Variants in CSF1R observed in about 807,000 individuals in gnomAD.
The protein encoded by CSF1R is macrophage colony-stimulating factor 1 receptor.
Under a neutral mutation model 110.0 loss-of-function variants are expected in CSF1R, and 40 were observed. That is an observed-to-expected ratio of 0.36 (90% CI 0.28 to 0.47). The LOEUF (loss-of-function observed/expected upper bound fraction) is 0.47. Among genes scored for constraint, CSF1R ranks in the 20% least tolerant of loss-of-function variants. The probability of loss-of-function intolerance (pLI) is 0.99; values close to 1 mark genes in which losing one functional copy is unlikely to be tolerated. For synonymous variants in CSF1R, 523 were observed against 503.4 expected (o/e 1.04, Z -0.52); for missense variants, 1,052 against 1,253.0 (o/e 0.84, Z 2.42).
intron 1 of CSF1R, among the ~76,000 whole-genome samples, chr5:150,101,404 T>C (rs890840229): frequency 3.9e-5 from 6 of 152,234 alleles, no homozygotes; most frequent in African/African-American, 1.4e-4. Flanking sequence ...TATTGGTATA[T>C]GTCACTGCAG....
At chr5:150,079,711 G>A (rs1758436605) in intron 3 of CSF1R, among the ~76,000 whole-genome samples, 1 of 152,198 alleles carries the variant, frequency 6.6e-6, no homozygotes, top group Admixed American at 6.5e-5. Flanking sequence ...ATGTCATTCA[G>A]ATTTCCGCTC....
rs1758357570 is a variant in CSF1R at position 150,078,155 on chromosome 5, A to G, written c.686T>C (p.Val229Ala). The G allele has an allele frequency of 6.2e-7, 1 of 1,614,024 alleles. No homozygotes were observed. The highest frequency in any genetic ancestry group is 8.5e-7 in the Non-Finnish European group (1 of 1,179,982). The change falls in exon 4 of 21, where the codon GTT (valine) becomes GCT (alanine). Residue 229 changes from valine (V) to alanine (A), a missense_variant. Val to Ala is a moderately conservative substitution (Grantham distance 64, BLOSUM62 0). Coordinates refer to ENST00000675795, the MANE Select transcript of CSF1R (RefSeq NM_001288705.3). Reference protein sequence around the residue: ...AAQIVCSASSVDVNFDVFLQH... With the variant: ...AAQIVCSASSADVNFDVFLQH... Reference sequence around the variant, plus strand: ...GAGGAAGACATCAAAGTTAACATCAACGCTGCTGGCTGAGCACACGATCTG... The same window carrying G: ...GAGGAAGACATCAAAGTTAACATCAGCGCTGCTGGCTGAGCACACGATCTG...
At chr5:150,101,955 T>C (rs1305105458) in intron 1 of CSF1R, among the ~76,000 whole-genome samples, 1 of 152,204 alleles carries the variant, frequency 6.6e-6, no homozygotes, top group African/African-American at 2.4e-5. Flanking sequence ...TATTAGTTCA[T>C]AGAGATTTAC....
chr5:150,091,819 T>C (rs1215667206), intron 1 of CSF1R, among the ~76,000 whole-genome samples: 3 of 59,984 alleles, frequency 5.0e-5, no homozygotes, highest in African/African-American at 2.0e-4. Context: ...AAACAAAAAC[T>C]AAGAGAATTC....
intron 4 of CSF1R, 79 bp downstream of exon 4, chr5:150,078,033 G>C: frequency 2.5e-6 from 4 of 1,576,830 alleles, no homozygotes; most frequent in Non-Finnish European, 3.5e-6. Flanking sequence ...TTGGAGTTGG[G>C]GGCCCAGGAC....
At chr5:150,066,278 A>G (rs573922810) in intron 10 of CSF1R, among the ~76,000 whole-genome samples, 2 of 152,310 alleles carry the variant, frequency 1.3e-5, no homozygotes, top group South Asian at 4.1e-4. Context: ...GCGTTGTGGT[A>G]CGGAATCCCT....
rs755093010 is a variant in CSF1R, at chr5:150,080,232, C to T, written c.412G>A (p.Val138Ile). The change falls in exon 3 of 21, where the codon GTC (valine) becomes ATC (isoleucine). Residue 138 changes from valine to isoleucine, a missense_variant. Val to Ile is a conservative substitution (Grantham distance 29). Coordinates refer to ENST00000675795, the MANE Select transcript of CSF1R (RefSeq NM_001288705.3). ...CGGCCACGCACACGCACCAGCGAGA[C>T]GCCTGCTTCCAGCACCGGGTCTGTG... ...LLTDPVLEAG[V>I]SLVRVRGRPL... The T allele has an allele frequency of 3.0e-5, 48 of 1,613,798 alleles. No individual in the cohort carries two copies. The highest frequency in any genetic ancestry group is 6.7e-5 in the Admixed American group (4 of 60,012).
In CSF1R at chr5:150,054,125, C is replaced by T. The variant is rs200068110; in HGVS notation, c.2863G>A (p.Glu955Lys). ...AAGGGCTGGGCGATATCCCCTTGCT[C>T]GCAGCAGGTCAGGTGCTCACTAGAG... is the stretch of plus-strand genomic sequence containing the variant. ...ESSSEHLTCCEQGDIAQPLLQ... is the reference protein window; with the variant it reads ...ESSSEHLTCCKQGDIAQPLLQ... Residue 955 changes from glutamate (E) to lysine (K), a missense_variant, in exon 21 of 21, where the codon GAG (glutamate) becomes AAG (lysine). By Grantham distance (56) the Glu-to-Lys change is moderately conservative (BLOSUM62 1). Coordinates refer to ENST00000675795, the MANE Select transcript of CSF1R (RefSeq NM_001288705.3). 24 of 1,613,864 alleles carry T rather than the reference C, an allele frequency of 1.5e-5. No individual in the cohort carries two copies. The highest frequency in any genetic ancestry group is 4.5e-5 in the East Asian group (2 of 44,890).
At position 150,078,356 on chromosome 5, in the gene CSF1R, C is replaced by T. The variant is rs1012774809; in HGVS notation, c.593-108G>A. 7 of 1,389,584 alleles carry T rather than the reference C, an allele frequency of 5.0e-6. No individual in the cohort carries two copies. The Admixed American group carries it at 1.7e-4, about 33-fold the overall frequency. The allele number at this position is 1,389,584 out of a possible 1,614,324, so 86.1% of individuals were successfully genotyped here. On this transcript the variant is annotated intron_variant, in intron 3 of 20. Coordinates refer to ENST00000675795, the MANE Select transcript of CSF1R (RefSeq NM_001288705.3). ...GACACACAGGCCAGGGTCCCCATCACTGCCCCATCCCAAATCCTGGGAGGC... is the reference window on the plus strand; with the variant it reads ...GACACACAGGCCAGGGTCCCCATCATTGCCCCATCCCAAATCCTGGGAGGC...
At chr5:150,067,467 G>A (rs945872273) in intron 10 of CSF1R, among the ~76,000 whole-genome samples, 3 of 152,194 alleles carry the variant, frequency 2.0e-5, no homozygotes, top group Non-Finnish European at 4.4e-5. Flanking sequence ...TGCATACAGT[G>A]GTTGCTGAGG....
intron 13 of CSF1R, among the ~76,000 whole-genome samples, chr5:150,060,361 C>G (rs1581288398): frequency 6.6e-6 from 1 of 150,400 alleles, no homozygotes; most frequent in African/African-American, 2.5e-5. Flanking sequence ...AAAAAAAAGA[C>G]AACCTTAAAA....
intron 1 of CSF1R, among the ~76,000 whole-genome samples, chr5:150,108,818 G>C (rs1365423575): frequency 7.7e-6 from 1 of 129,990 alleles, no homozygotes; most frequent in Non-Finnish European, 1.6e-5. Context: ...TGAGCAGGTG[G>C]GGGGTGGGAG....
chr5:150,106,064 C>T (rs1163475803), intron 1 of CSF1R, among the ~76,000 whole-genome samples: 2 of 152,228 alleles, frequency 1.3e-5, no homozygotes, highest in Non-Finnish European at 2.9e-5. Flanking sequence ...TAATGACCAG[C>T]ACACTGCACA....
intron 1 of CSF1R, 114 bp downstream of exon 1, chr5:150,086,265 G>A (rs1758841869): frequency 3.9e-6 from 4 of 1,018,182 alleles, no homozygotes; most frequent in Admixed American, 2.1e-5. Context: ...GTCCAGTGTT[G>A]GGGAGACTAA....
At chr5:150,084,468 A>C (rs1758739990) in intron 1 of CSF1R, among the ~76,000 whole-genome samples, 2 of 125,016 alleles carry the variant, frequency 1.6e-5, no homozygotes, top group African/African-American at 3.4e-5. Flanking sequence ...GAAAGAAAGG[A>C]AGGAGATGGA....
chr5:150,057,989 C>T (rs1757329851), intron 14 of CSF1R, among the ~76,000 whole-genome samples: 1 of 152,170 alleles, frequency 6.6e-6, no homozygotes, highest in Admixed American at 6.5e-5. Flanking sequence ...GCCTCACACC[C>T]CTGGCTTCAC....
At chr5:150,101,652 C>T (rs918482156) in intron 1 of CSF1R, among the ~76,000 whole-genome samples, 15 of 145,794 alleles carry the variant, frequency 1.0e-4, no homozygotes, top group Non-Finnish European at 2.0e-4. Context: ...GCTTGCTTTC[C>T]TTGCCTTCTT....
chr5:150,102,455 T>G (rs181031833), intron 1 of CSF1R, among the ~76,000 whole-genome samples: 8 of 152,334 alleles, frequency 5.3e-5, no homozygotes, highest in Admixed American at 5.2e-4. Flanking sequence ...TGTCCGTTTT[T>G]TTGTCTTTAT....
intron 1 of CSF1R, chr5:150,095,112 G>GAA (rs35743502): frequency 0.095 from 30,892 of 324,742 alleles, 1,122 homozygotes; most frequent in African/African-American, 0.12. Context: ...TCTCAAATTG[G>GAA]AAAAAAAAAA....
Sources: gnomAD v4.1 joint callset for allele counts (sites outside exome capture counted in the v4.1 genomes callset) on GRCh38, gnomAD v4.1.1 for gene constraint, MANE v1.5 for transcripts, NCBI Gene and HGNC (gene_info 2026-07-23, HGNC 2026-07-21) for gene names.